The following CACNA2D3 variants were observed in gnomAD, a reference collection of about 807,000 sequenced individuals.
CACNA2D3 encodes the protein calcium voltage-gated channel auxiliary subunit alpha2delta 3.
Under a neutral mutation model 160.6 loss-of-function variants are expected in CACNA2D3, and 60 were observed. That is an observed-to-expected ratio of 0.37 (90% CI 0.30 to 0.46). The LOEUF is 0.46. Ranked by LOEUF, CACNA2D3 falls within the 20% of genes least tolerant of loss-of-function variation. The pLI is 1.00. For synonymous variants in CACNA2D3, 558 were observed against 492.9 expected, an observed-to-expected ratio of 1.13 and a Z score of -1.75; for missense variants, 1,205 against 1,365.0, an observed-to-expected ratio of 0.88 and a Z score of 1.85.
chr3:54,790,097 T>C (rs1379400273), intron 13 of CACNA2D3, among the ~76,000 whole-genome samples: 2 of 151,778 alleles, frequency 1.3e-5, no homozygotes, highest in Admixed American at 6.5e-5. Flanking sequence ...TGTACTAGGG[T>C]AGTTAGGAAC....
intron 5 of CACNA2D3, among the ~76,000 whole-genome samples, chr3:54,537,981 G>A (rs1053023805): frequency 6.6e-6 from 1 of 152,134 alleles, no homozygotes; most frequent in Admixed American, 6.5e-5. Context: ...CTGGGACCCT[G>A]GCTGTGTGCT....
chr3:54,141,001 A>C (rs1286376700), intron 2 of CACNA2D3, among the ~76,000 whole-genome samples: 1 of 150,396 alleles, frequency 6.6e-6, no homozygotes, highest in Non-Finnish European at 1.5e-5. Flanking sequence ...GCTCGTTGGC[A>C]CCTCTCTGTG....
chr3:54,615,370 A>C (rs1285542295), intron 9 of CACNA2D3, among the ~76,000 whole-genome samples: 2 of 152,220 alleles, frequency 1.3e-5, no homozygotes, highest in Non-Finnish European at 2.9e-5. Context: ...GCTCAATCTC[A>C]CCATCAATTA....
In CACNA2D3 at chr3:54,243,487, G is replaced by A. The variant is rs557678119; in HGVS notation, c.205-76955G>A. ...TCTCCACAGCTTGGAAACCATGTGG[G>A]GTTCGGCTATTGTTCATGTGTCTTT... is the stretch of plus-strand genomic sequence containing the variant. On this transcript the variant is annotated intron_variant, in intron 2 of 37. Coordinates refer to ENST00000474759, the MANE Select transcript of CACNA2D3 (RefSeq NM_018398.3). Among the ~76,000 whole-genome samples, 14 of 152,238 alleles carry A rather than the reference G, an allele frequency of 9.2e-5. No homozygotes were observed. In the South Asian group the frequency reaches 2.7e-3, roughly 29 times the overall value.
intron 2 of CACNA2D3, among the ~76,000 whole-genome samples, chr3:54,128,533 G>T (rs1260678900): frequency 6.6e-6 from 1 of 152,134 alleles, no homozygotes; most frequent in African/African-American, 2.4e-5. Flanking sequence ...ACATTTTCAC[G>T]AAGGAGCCTG....
At chr3:54,677,839 G>C (rs1474943913) in intron 11 of CACNA2D3, among the ~76,000 whole-genome samples, 1 of 152,008 alleles carries the variant, frequency 6.6e-6, no homozygotes, top group Admixed American at 6.6e-5. Context: ...AGGAGAGAGA[G>C]TAATTTTAGT....
chr3:54,859,158 A>T (rs1699231291), intron 17 of CACNA2D3, among the ~76,000 whole-genome samples: 1 of 152,220 alleles, frequency 6.6e-6, no homozygotes, highest in East Asian at 1.9e-4. Context: ...TAATTACTGC[A>T]GCTCAAACCT....
intron 13 of CACNA2D3, among the ~76,000 whole-genome samples, chr3:54,772,300 A>G (rs1191692758): frequency 6.6e-6 from 1 of 151,778 alleles, no homozygotes; most frequent in Admixed American, 6.6e-5. Context: ...AGCAGTAAAT[A>G]TAATTATATA....
intron 13 of CACNA2D3, among the ~76,000 whole-genome samples, chr3:54,774,633 T>C (rs1287278189): frequency 7.9e-6 from 1 of 126,836 alleles, no homozygotes; most frequent in African/African-American, 2.8e-5. Context: ...TTGACTATTT[T>C]TTTTTTTTTT....
At chr3:54,596,513 G>GT (rs1469877001) in intron 9 of CACNA2D3, among the ~76,000 whole-genome samples, 1 of 152,144 alleles carries the variant, frequency 6.6e-6, no homozygotes, top group Non-Finnish European at 1.5e-5. Context: ...TCACGGACTA[G>GT]TTAGTAAAAG....
At chr3:54,680,649 T>G (rs531867939) in intron 11 of CACNA2D3, among the ~76,000 whole-genome samples, 62 of 152,232 alleles carry the variant, frequency 4.1e-4, no homozygotes, top group Non-Finnish European at 7.8e-4. Context: ...TTGTTGTTGG[T>G]CTTCTCCTTT....
intron 2 of CACNA2D3, among the ~76,000 whole-genome samples, chr3:54,206,855 A>G (rs1012029980): frequency 2.0e-5 from 3 of 152,214 alleles, no homozygotes; most frequent in African/African-American, 7.2e-5. Flanking sequence ...AATTTCAGGA[A>G]CTTAACATAA....
chr3:54,781,379 C>G (rs999650082), intron 13 of CACNA2D3, among the ~76,000 whole-genome samples: 10 of 152,182 alleles, frequency 6.6e-5, no homozygotes, highest in Non-Finnish European at 1.2e-4. Flanking sequence ...TAGGAACACT[C>G]AGAATGTGTG....
intron 27 of CACNA2D3, among the ~76,000 whole-genome samples, chr3:54,957,420 A>T (rs1701926637): frequency 6.6e-6 from 1 of 152,146 alleles, no homozygotes; most frequent in Admixed American, 6.5e-5. Context: ...AAGTGCTGGG[A>T]TTACAGGTGT....
rs145080825 is a variant in CACNA2D3, at chr3:54,727,981, C to T, written c.1168-24618C>T. 7.8e-3 allele frequency among the ~76,000 whole-genome samples: 1,188 copies of T among 151,394 alleles called. 6 individuals carry two copies. Among genetic ancestry groups the T allele is most frequent in the Middle Eastern group, 0.014 (4 of 294 alleles). ...AGAAGTTCAATTGTTAGTCTTATTG[C>T]TTTTTAGTATGTTTTTTTCTTTAGC... On this transcript the variant is annotated intron_variant, in intron 11 of 37. Coordinates refer to ENST00000474759, the MANE Select transcript of CACNA2D3 (RefSeq NM_018398.3).
intron 11 of CACNA2D3, among the ~76,000 whole-genome samples, chr3:54,683,170 A>G (rs894785993): frequency 6.6e-6 from 1 of 152,228 alleles, no homozygotes; most frequent in South Asian, 2.1e-4. Context: ...TCAGCATCAC[A>G]GTAGTAATGA....
intron 4 of CACNA2D3, among the ~76,000 whole-genome samples, chr3:54,414,165 C>G (rs1003747959): frequency 6.6e-6 from 1 of 151,942 alleles, no homozygotes; most frequent in Non-Finnish European, 1.5e-5. Flanking sequence ...CCAGTTTGAT[C>G]TTGTGCATTC....
chr3:54,379,730 C>G (rs962655697), intron 3 of CACNA2D3, among the ~76,000 whole-genome samples: 1 of 152,216 alleles, frequency 6.6e-6, no homozygotes, highest in Non-Finnish European at 1.5e-5. Flanking sequence ...CTGGAACGTT[C>G]TTTCAGCACT....
At chr3:54,680,020 A>C (rs1050221269) in intron 11 of CACNA2D3, among the ~76,000 whole-genome samples, 1 of 152,256 alleles carries the variant, frequency 6.6e-6, no homozygotes, top group Non-Finnish European at 1.5e-5. Context: ...GTAACAGCGG[A>C]AAGAGATACT....
Sources: gnomAD v4.1 joint callset for allele counts (sites outside exome capture counted in the v4.1 genomes callset) on GRCh38, gnomAD v4.1.1 for gene constraint, MANE v1.5 for transcripts, NCBI Gene and HGNC (gene_info 2026-07-23, HGNC 2026-07-21) for gene names.